SNTB1: variants seen among roughly 807,000 people sequenced by gnomAD.
SNTB1 encodes the protein syntrophin beta 1, also known as beta-1-syntrophin.
SNTB1 carries 36 observed loss-of-function variants against 48.9 expected under a neutral mutation model. The observed-to-expected ratio is 0.74, with a 90% CI of 0.56 to 0.97. The LOEUF is 0.97. SNTB1 is among the 50% of genes least tolerant of loss of function. The pLI, the probability that SNTB1 is intolerant of heterozygous loss-of-function variation, is 0.00. For synonymous variants in SNTB1, 299 were observed against 294.6 expected (o/e 1.01, Z -0.15); for missense variants, 786 against 703.4 (o/e 1.12, Z -1.33).
At chr8:120,597,943 C>T (rs1482790469) in intron 3 of SNTB1, among the ~76,000 whole-genome samples, 3 of 152,224 alleles carry the variant, frequency 2.0e-5, no homozygotes, top group East Asian at 1.9e-4. Context: ...TAAAACAGAA[C>T]ATACATTGTA....
intron 1 of SNTB1, among the ~76,000 whole-genome samples, chr8:120,712,781 C>T (rs1016366691): frequency 6.6e-6 from 1 of 152,228 alleles, no homozygotes; most frequent in African/African-American, 2.4e-5. Flanking sequence ...ATTTATGCCT[C>T]ACTACAGTTT....
chr8:120,735,999 G>C (rs567081253), intron 1 of SNTB1, among the ~76,000 whole-genome samples: 1 of 152,178 alleles, frequency 6.6e-6, no homozygotes, highest in Non-Finnish European at 1.5e-5. Context: ...CTAAAGGAAA[G>C]AGGTTTAATT....
intron 4 of SNTB1, among the ~76,000 whole-genome samples, chr8:120,556,471 A>T (rs1815569427): frequency 6.6e-6 from 1 of 152,232 alleles, no homozygotes; most frequent in African/African-American, 2.4e-5. Context: ...AAGGTGTTGG[A>T]AATAATAGAT....
At chr8:120,640,996 A>G (rs919966475) in intron 2 of SNTB1, among the ~76,000 whole-genome samples, 1 of 152,160 alleles carries the variant, frequency 6.6e-6, no homozygotes, top group Admixed American at 6.5e-5. Context: ...CTGTGAATCC[A>G]TCTGGTCCTG....
chr8:120,634,059 C>G (rs1189731424), intron 2 of SNTB1, among the ~76,000 whole-genome samples: 2 of 152,104 alleles, frequency 1.3e-5, no homozygotes, highest in Non-Finnish European at 2.9e-5. Flanking sequence ...TGTGTTCCCC[C>G]ACACCCACCA....
At chr8:120,578,749 A>C (rs892889228) in intron 3 of SNTB1, among the ~76,000 whole-genome samples, 3 of 152,196 alleles carry the variant, frequency 2.0e-5, no homozygotes, top group African/African-American at 7.2e-5. Flanking sequence ...TGGTGGTAAG[A>C]AGTAATTGGT....
rs72680536 is a variant in SNTB1, at chr8:120,540,300, G to C, written c.1525-1331C>G. Among the ~76,000 whole-genome samples the C allele has an allele frequency of 5.5e-4, 84 of 152,282 alleles. 1 individual carries two copies. The highest frequency in any genetic ancestry group is 5.0e-3 in the Admixed American group (77 of 15,282). ...TCCAGGATTGCTTAAACAGACATAG[G>C]GGGTAGAGGAGAAGGAGGCTGTGTC... On this transcript the variant is annotated intron_variant, in intron 6 of 6. Transcript: ENST00000517992.
chr8:120,643,505 A>T (rs137862319), intron 2 of SNTB1, among the ~76,000 whole-genome samples: 1 of 152,322 alleles, frequency 6.6e-6, no homozygotes, highest in African/African-American at 2.4e-5. Context: ...CCCATTTATA[A>T]GAACATGAGA....
intron 4 of SNTB1, among the ~76,000 whole-genome samples, chr8:120,549,981 G>A (rs1225331146): frequency 1.3e-5 from 2 of 152,088 alleles, no homozygotes; most frequent in Non-Finnish European, 2.9e-5. Flanking sequence ...TATTTTCTTA[G>A]GCAAAAGGCT....
chr8:120,768,295 C>G (rs894049440), intron 1 of SNTB1, among the ~76,000 whole-genome samples: 2 of 152,154 alleles, frequency 1.3e-5, no homozygotes, highest in Admixed American at 6.5e-5. Context: ...CAGCCATGTG[C>G]GAGTACCCTA....
chr8:120,624,162 T>G (rs1033482052), intron 3 of SNTB1, among the ~76,000 whole-genome samples: 1 of 152,164 alleles, frequency 6.6e-6, no homozygotes, highest in African/African-American at 2.4e-5. Flanking sequence ...GGTCTCAAAC[T>G]CCTGACCTCC....
intron 3 of SNTB1, among the ~76,000 whole-genome samples, chr8:120,599,146 T>C (rs1027337287): frequency 1.3e-5 from 2 of 152,192 alleles, no homozygotes; most frequent in Non-Finnish European, 2.9e-5. Context: ...TACCTCTATA[T>C]AAGGCGGCCA....
chr8:120,755,122 G>A (rs1819290750), intron 1 of SNTB1, among the ~76,000 whole-genome samples: 1 of 150,784 alleles, frequency 6.6e-6, no homozygotes, highest in Non-Finnish European at 1.5e-5. Context: ...TAAATGTTGA[G>A]TCTAAGCTAT....
intron 2 of SNTB1, among the ~76,000 whole-genome samples, chr8:120,692,961 G>A (rs192819545): frequency 6.6e-6 from 1 of 152,106 alleles, no homozygotes. Flanking sequence ...TTTGGCTCAC[G>A]GTTCTGCAAG....
chr8:120,575,021 A>T, intron 4 of SNTB1, 65 bp downstream of exon 4: 1 of 1,600,542 alleles, frequency 6.2e-7, no homozygotes, highest in Non-Finnish European at 8.6e-7. Context: ...GTATTGAGCT[A>T]ATTGTAATTC....
At chr8:120,734,924 C>A (rs1482158886) in intron 1 of SNTB1, among the ~76,000 whole-genome samples, 1 of 152,140 alleles carries the variant, frequency 6.6e-6, no homozygotes, top group Non-Finnish European at 1.5e-5. Flanking sequence ...TGGAAGTGAA[C>A]ACATCTCAAC....
In SNTB1 at chr8:120,548,957, G is replaced by T; in HGVS notation, c.1138C>A (p.Leu380Met). 1.3e-6 allele frequency: 2 copies of T among 1,561,162 alleles called. No homozygotes were observed. The highest frequency in any genetic ancestry group is 1.7e-6 in the Non-Finnish European group (2 of 1,156,494). Residue 380 changes from leucine (L) to methionine (M), a missense_variant and splice_region_variant, in exon 5 of 7, where the codon CTG (leucine) becomes ATG (methionine). By Grantham distance (15) the Leu-to-Met change is conservative. Transcript: ENST00000517992. ...VHTYPLLATR[L>M]VHSGPGKGSP... ...CCCTTTCCTGGACCTGAATGGACCA[G>T]CCTGGAGAGAGAGAGAGAGAGACAT...
In SNTB1 at chr8:120,607,635, T is replaced by A. The variant is rs868842823; in HGVS notation, c.996+24809A>T. Among the ~76,000 whole-genome samples the A allele has an allele frequency of 2.6e-5, 4 of 152,304 alleles. No individual in the cohort carries two copies. The Middle Eastern group carries it at 0.01, about 389-fold the overall frequency. On this transcript the variant is annotated intron_variant, in intron 3 of 6. Coordinates refer to ENST00000517992, the MANE Select transcript of SNTB1 (RefSeq NM_021021.4). The stretch of plus-strand genomic sequence containing the variant: ...AGATACCTAAAAATGAAGGATAACA[T>A]CTAACTTACATCATTTTAAATGAGT...
intron 3 of SNTB1, among the ~76,000 whole-genome samples, chr8:120,605,205 T>G (rs1276804434): frequency 6.6e-6 from 1 of 152,210 alleles, no homozygotes. Context: ...CCCCTTTCTA[T>G]AGGGCTTGGA....
Sources: allele counts gnomAD v4.1 joint callset (sites outside exome capture counted in the v4.1 genomes callset), GRCh38; gene constraint gnomAD v4.1.1; transcripts MANE v1.5; gene names NCBI Gene and HGNC (gene_info 2026-07-23, HGNC 2026-07-21).